PLCL1: variants seen among roughly 807,000 people sequenced by gnomAD.
PLCL1 encodes the protein phospholipase C like 1 (inactive), also known as inactive phospholipase C-like protein 1.
Under a neutral mutation model 84.4 loss-of-function variants are expected in PLCL1, and 41 were observed. The observed-to-expected ratio is 0.49, with a 90% CI of 0.38 to 0.63. The LOEUF is 0.63. Among genes scored for constraint, PLCL1 ranks in the 30% least tolerant of loss-of-function variants. The pLI is 0.00. For missense variants in PLCL1, 1,206 were observed against 1,367.8 expected, an observed-to-expected ratio of 0.88 and a Z score of 1.87; for synonymous variants, 490 against 488.3, an observed-to-expected ratio of 1.00 and a Z score of -0.05.
chr2:197,904,334 C>T (rs1417375948), intron 1 of PLCL1, among the ~76,000 whole-genome samples: 1 of 152,034 alleles, frequency 6.6e-6, no homozygotes, highest in Non-Finnish European at 1.5e-5. Context: ...TTCTTTATTC[C>T]GTTGTTTTTC....
chr2:198,137,638 A>G (rs962397075), intron 5 of PLCL1, among the ~76,000 whole-genome samples: 6 of 152,174 alleles, frequency 3.9e-5, no homozygotes, highest in African/African-American at 1.2e-4. Flanking sequence ...TTCACTGATC[A>G]TAAGATGCCA....
chr2:198,025,049 A>AGTTTGTTTTT (rs1691230874), intron 1 of PLCL1, among the ~76,000 whole-genome samples: 1 of 152,068 alleles, frequency 6.6e-6, no homozygotes, highest in Non-Finnish European at 1.5e-5. Flanking sequence ...TATTTCTATC[A>AGTTTGTTTTT]GTTTGTTTTT....
chr2:198,122,780 A>G (rs530071064), intron 5 of PLCL1, among the ~76,000 whole-genome samples: 1 of 152,282 alleles, frequency 6.6e-6, no homozygotes, highest in African/African-American at 2.4e-5. Flanking sequence ...TGTAAAATAC[A>G]CTTAACAACA....
intron 1 of PLCL1, among the ~76,000 whole-genome samples, chr2:198,079,911 C>T (rs1342088338): frequency 2.0e-5 from 3 of 152,148 alleles, no homozygotes; most frequent in African/African-American, 2.4e-5. Flanking sequence ...TGACAATGCA[C>T]TATTTATCTT....
At chr2:197,980,165 CA>C (rs1690073029) in intron 1 of PLCL1, among the ~76,000 whole-genome samples, 1 of 152,116 alleles carries the variant, frequency 6.6e-6, no homozygotes, top group Non-Finnish European at 1.5e-5. Context: ...TTGAATGACA[CA>C]GGTATGTGGC....
chr2:197,829,865 A>G (rs1691019247), intron 1 of PLCL1, among the ~76,000 whole-genome samples: 1 of 152,184 alleles, frequency 6.6e-6, no homozygotes, highest in Admixed American at 6.5e-5. Context: ...GTTGCCTTTT[A>G]TGACTTAGCC....
At chr2:198,143,385 G>C (rs73063057) in intron 5 of PLCL1, among the ~76,000 whole-genome samples, 9,257 of 152,190 alleles carry the variant, frequency 0.061, 789 homozygotes, top group African/African-American at 0.19. Context: ...TGTGCAGCCT[G>C]GTTTCTCACA....
rs1559029441 is a variant in PLCL1, at chr2:197,866,076, ATATATATATATAAAC to A, written c.240+60750_240+60764del. On this transcript the variant is annotated intron_variant, in intron 1 of 5. Transcript: ENST00000428675. ...ATACACACACACACACACTATATAT[ATATATATATATAAAC>A]TATATATATATATAAACTATATATA... Among the ~76,000 whole-genome samples, 43 of 66,838 alleles carry A rather than the reference ATATATATATATAAAC, an allele frequency of 6.4e-4. 14 individuals carry two copies. The highest frequency in any genetic ancestry group is 2.4e-3 in the African/African-American group (34 of 14,196). The allele number at this position is 66,838 out of a possible 152,430, so 43.8% of individuals were successfully genotyped here. A position where few individuals can be genotyped will look rare whatever the true frequency, so the allele number is the denominator to read the frequency against.
At position 197,964,207 on chromosome 2, in the gene PLCL1, G is replaced by C. The variant is rs181768048; in HGVS notation, c.241-119551G>C. Among the ~76,000 whole-genome samples, 327 of 152,076 alleles carry C rather than the reference G, an allele frequency of 2.2e-3. 2 individuals are homozygous for C. The highest frequency in any genetic ancestry group is 3.5e-3 in the Non-Finnish European group (237 of 67,922). The stretch of plus-strand genomic sequence containing the variant: ...TTTCAGTAGTATGAACGTTCTAACA[G>C]TATTAATTCTTCCAATCCATGAACA... On this transcript the variant is annotated intron_variant, in intron 1 of 5. Transcript: ENST00000428675.
chr2:198,019,393 A>G (rs1051776139), intron 1 of PLCL1, among the ~76,000 whole-genome samples: 1 of 152,240 alleles, frequency 6.6e-6, no homozygotes, highest in Non-Finnish European at 1.5e-5. Context: ...AGTTTGATGA[A>G]TTGACAGAAG....
intron 1 of PLCL1, among the ~76,000 whole-genome samples, chr2:197,863,414 A>T (rs192790379): frequency 1.3e-5 from 2 of 152,140 alleles, no homozygotes; most frequent in African/African-American, 4.8e-5. Flanking sequence ...CTGATAACAG[A>T]TAGATAAATG....
intron 1 of PLCL1, among the ~76,000 whole-genome samples, chr2:197,886,405 C>T (rs60769138): frequency 9.8e-6 from 1 of 101,886 alleles, no homozygotes; most frequent in African/African-American, 3.3e-5. Context: ...GAATGAGACT[C>T]TGTCTCAAAA....
chr2:197,905,515 G>A (rs972766106), intron 1 of PLCL1, among the ~76,000 whole-genome samples: 5 of 152,150 alleles, frequency 3.3e-5, no homozygotes, highest in African/African-American at 1.2e-4. Flanking sequence ...ATTTGGGTTG[G>A]TTCCAAGTCT....
intron 1 of PLCL1, among the ~76,000 whole-genome samples, chr2:198,037,755 G>A (rs546790148): frequency 1.8e-4 from 27 of 152,124 alleles, no homozygotes; most frequent in South Asian, 1.2e-3. Context: ...ACATAATCCC[G>A]TGACTTTTGA....
rs61183744 is a variant in PLCL1 at position 197,886,411 on chromosome 2, C to CAAAAAAAAAAAAAAAAAAAAA, written c.240+81093_240+81113dup. ...TGGGCAACAGAATGAGACTCTGTCTCAAAAAAAAAAAAAAAAAAAAAAAAA... is the reference window on the plus strand; with the variant it reads ...TGGGCAACAGAATGAGACTCTGTCTCAAAAAAAAAAAAAAAAAAAAAAAAAAAAAAAAAAAAAAAAAAAAAA... On this transcript the variant is annotated intron_variant, in intron 1 of 5. Coordinates refer to ENST00000428675, the MANE Select transcript of PLCL1 (RefSeq NM_006226.4). Among the ~76,000 whole-genome samples, 9 of 77,112 alleles carry CAAAAAAAAAAAAAAAAAAAAA rather than the reference C, an allele frequency of 1.2e-4. 1 individual carries two copies. Among genetic ancestry groups the CAAAAAAAAAAAAAAAAAAAAA allele is most frequent in the Non-Finnish European group, 2.1e-4 (8 of 37,404 alleles). 50.6% of individuals were successfully genotyped at this position (77,112 alleles called of 152,430 possible). A position where few individuals can be genotyped will look rare whatever the true frequency, so the allele number is the denominator to read the frequency against.
chr2:198,016,194 T>G (rs1165655447), intron 1 of PLCL1, among the ~76,000 whole-genome samples: 1 of 152,114 alleles, frequency 6.6e-6, no homozygotes, highest in African/African-American at 2.4e-5. Flanking sequence ...TTCTGGCTGA[T>G]CCACAGAGTC....
Position 198,139,296 on chromosome 2 carries a change from GTTGT to G in PLCL1, c.3106-7481_3106-7478del, listed in dbSNP as rs372404637. Reference sequence around the variant, plus strand: ...GCATGTTATGCCGACCTTAATTGAGGTTGTTTCTTTCCTTCTTTTATTCTATGCA... The same window carrying G: ...GCATGTTATGCCGACCTTAATTGAGGTTCTTTCCTTCTTTTATTCTATGCA... On this transcript the variant is annotated intron_variant, in intron 5 of 5. Transcript: ENST00000428675. Among the ~76,000 whole-genome samples the G allele has an allele frequency of 1.6e-3, 249 of 152,282 alleles. 2 individuals are homozygous for G. Among genetic ancestry groups the G allele is most frequent in the African/African-American group, 5.7e-3 (236 of 41,568 alleles).
intron 1 of PLCL1, among the ~76,000 whole-genome samples, chr2:197,845,876 T>A (rs1687112888): frequency 6.6e-6 from 1 of 152,258 alleles, no homozygotes; most frequent in Non-Finnish European, 1.5e-5. Context: ...TACTTCTTCA[T>A]TTCTTCTCCA....
intron 5 of PLCL1, among the ~76,000 whole-genome samples, chr2:198,124,726 GCATT>G (rs781367056): frequency 6.6e-6 from 1 of 152,104 alleles, no homozygotes; most frequent in Non-Finnish European, 1.5e-5. Context: ...AGCAGCTACT[GCATT>G]CAGAGTTTAT....
Sources: gnomAD v4.1 joint callset for allele counts (sites outside exome capture counted in the v4.1 genomes callset) on GRCh38, gnomAD v4.1.1 for gene constraint, MANE v1.5 for transcripts, NCBI Gene and HGNC (gene_info 2026-07-23, HGNC 2026-07-21) for gene names.